The following DLGAP4 variants were observed in gnomAD, a reference collection of about 807,000 sequenced individuals.
DLGAP4 encodes DLG associated protein 4, also known as disks large-associated protein 4.
A neutral mutation model predicts 86.9 loss-of-function variants in DLGAP4; 18 were observed. The ratio of observed to expected loss-of-function variants is 0.21; its 90% CI spans 0.14 to 0.31. DLGAP4 has a LOEUF of 0.31. Among genes scored for constraint, DLGAP4 ranks in the 10% least tolerant of loss-of-function variants. The pLI is 1.00. For synonymous variants in DLGAP4, 548 were observed against 574.3 expected, an observed-to-expected ratio of 0.95 and a Z score of 0.65; for missense variants, 1,085 against 1,362.6, an observed-to-expected ratio of 0.80 and a Z score of 3.21.
At chr20:36,316,674 G>A (rs2065103260) in intron 1 of DLGAP4, among the ~76,000 whole-genome samples, 1 of 152,158 alleles carries the variant, frequency 6.6e-6, no homozygotes, top group African/African-American at 2.4e-5. Flanking sequence ...CTGAGAACAG[G>A]TGGGGGTGGA....
At chr20:36,518,261 G>A (rs536287287) in intron 10 of DLGAP4, among the ~76,000 whole-genome samples, 3 of 151,098 alleles carry the variant, frequency 2.0e-5, no homozygotes, top group East Asian at 1.9e-4. Flanking sequence ...TTTCATGGTT[G>A]TGTATAACTC....
At chr20:36,333,331 T>G (rs1321850739) in intron 1 of DLGAP4, among the ~76,000 whole-genome samples, 9 of 151,220 alleles carry the variant, frequency 6.0e-5, no homozygotes, top group Non-Finnish European at 1.3e-4. Context: ...TAATAGAGGG[T>G]TTTTTTTTCT....
At chr20:36,399,474 T>C (rs957240059) in intron 2 of DLGAP4, among the ~76,000 whole-genome samples, 2 of 152,212 alleles carry the variant, frequency 1.3e-5, no homozygotes, top group Non-Finnish European at 1.5e-5. Context: ...CCTGTGTCTG[T>C]CATTGTTGGA....
chr20:36,462,508 C>T, intron 7 of DLGAP4: 1 of 1,599,558 alleles, frequency 6.3e-7, no homozygotes, highest in Non-Finnish European at 8.5e-7. Context: ...TGCTCCTTGT[C>T]TCCCTCTCCC....
intron 8 of DLGAP4, 62 bp from the exon 9 acceptor site, chr20:36,499,523 TGTG>T (rs1273443217): frequency 3.0e-5 from 45 of 1,506,068 alleles, no homozygotes; most frequent in Non-Finnish European, 7.3e-6. Context: ...CAGCAGCAAG[TGTG>T]GTGTTTGTTT....
Position 36,329,156 on chromosome 20 carries a change from C to T in DLGAP4, c.-304+22644C>T, listed in dbSNP as rs915468474. Among the ~76,000 whole-genome samples the T allele has an allele frequency of 3.9e-5, 6 of 152,190 alleles. No individual in the cohort carries two copies. In the South Asian group the frequency reaches 1.2e-3, roughly 32 times the overall value. On this transcript the variant is annotated intron_variant, in intron 1 of 12. Transcript: ENST00000339266. ...AACGCCTGACCTCAGGTGACCCACC[C>T]ACCTCAGTCTCCCAAATTCCTGGGA...
intron 10 of DLGAP4, among the ~76,000 whole-genome samples, chr20:36,512,981 T>C (rs1347793567): frequency 8.1e-6 from 1 of 123,818 alleles, no homozygotes; most frequent in Non-Finnish European, 1.6e-5. Context: ...AGATGGGGTC[T>C]CACTCTTTCA....
At chr20:36,515,479 T>C (rs1036118317) in intron 10 of DLGAP4, among the ~76,000 whole-genome samples, 5 of 152,254 alleles carry the variant, frequency 3.3e-5, no homozygotes, top group Non-Finnish European at 7.3e-5. Flanking sequence ...AGTTTCCTGA[T>C]TTTTATTTTA....
chr20:36,381,038 A>G (rs878857319), intron 2 of DLGAP4, among the ~76,000 whole-genome samples: 1 of 152,266 alleles, frequency 6.6e-6, no homozygotes, highest in Non-Finnish European at 1.5e-5. Flanking sequence ...GATAGCTAGC[A>G]TGATCCACCT....
chr20:36,511,673 G>A (rs59232466), intron 10 of DLGAP4, among the ~76,000 whole-genome samples: 4 of 151,824 alleles, frequency 2.6e-5, no homozygotes, highest in Admixed American at 6.6e-5. Context: ...TCAGGAGCTC[G>A]AGACCAGCCT....
intron 1 of DLGAP4, among the ~76,000 whole-genome samples, chr20:36,312,416 C>A (rs1163108100): frequency 6.6e-6 from 1 of 152,140 alleles, no homozygotes; most frequent in Non-Finnish European, 1.5e-5. Flanking sequence ...AGCCGCCCCC[C>A]GGCTGCAGTC....
rs368243669 is a variant in DLGAP4 at position 36,446,780 on chromosome 20, G to A, written c.1491G>A (p.Thr497=). 19 of 1,612,580 alleles carry A rather than the reference G, an allele frequency of 1.2e-5. No homozygotes were observed. The highest frequency in any genetic ancestry group is 6.7e-5 in the East Asian group (3 of 44,866). The change falls in exon 7 of 13, where the codon ACG becomes ACA. Residue 497 remains threonine, a synonymous_variant. Coordinates refer to ENST00000339266, the MANE Select transcript of DLGAP4 (RefSeq NM_001365621.2). ...CSEAESTAAE[T]LDLPLPSYFR... ...AAGCGGAGTCCACAGCGGCAGAGAC[G>A]CTTGACTTGCCACTGCCCAGCTACT...
At chr20:36,316,438 T>C (rs1352389623) in intron 1 of DLGAP4, among the ~76,000 whole-genome samples, 2 of 152,094 alleles carry the variant, frequency 1.3e-5, no homozygotes, top group Non-Finnish European at 2.9e-5. Flanking sequence ...TGGAAATCCT[T>C]CCCCACAGTC....
rs1555889529 is a variant in DLGAP4 at position 36,306,824 on chromosome 20, G to T, written c.-304+312G>T. The stretch of plus-strand genomic sequence containing the variant: ...TGTCCGGGACCGGATCCCCATTCCG[G>T]CTCTTTTTCCCGCGGACTCCCCCGT... On this transcript the variant is annotated intron_variant, in intron 1 of 12. Coordinates refer to ENST00000339266, the MANE Select transcript of DLGAP4 (RefSeq NM_001365621.2). The surrounding 1 kb of genome is among the most constrained non-coding windows in gnomAD (Gnocchi z 4.9). Among the ~76,000 whole-genome samples the T allele has an allele frequency of 6.6e-6, 1 of 152,124 alleles. No homozygotes were observed. The highest frequency in any genetic ancestry group is 1.5e-5 in the Non-Finnish European group (1 of 67,996).
intron 7 of DLGAP4, chr20:36,461,372 C>A: frequency 2.4e-6 from 2 of 839,456 alleles, no homozygotes; most frequent in African/African-American, 1.8e-5. Context: ...CCCTGCCCGG[C>A]CCGGGAGTCC....
intron 1 of DLGAP4, among the ~76,000 whole-genome samples, chr20:36,361,771 G>A (rs1555894236): frequency 6.6e-6 from 1 of 150,732 alleles, no homozygotes; most frequent in Non-Finnish European, 1.5e-5. Context: ...TCAGGAGTTC[G>A]AAACCAGCCT....
chr20:36,347,764 C>T lies in DLGAP4; in HGVS notation c.-303-19281C>T, dbSNP rs6016031. Among the ~76,000 whole-genome samples, 239 of 149,848 alleles carry T rather than the reference C, an allele frequency of 1.6e-3. 2 individuals carry two copies. Among genetic ancestry groups the T allele is most frequent in the African/African-American group, 5.5e-3 (221 of 40,526 alleles). The stretch of plus-strand genomic sequence containing the variant: ...TCACTTGGGCCCAAAAGTTTGAGGC[C>T]ACAGTGAGCAATGATTGTGCCACTG... On this transcript the variant is annotated intron_variant, in intron 1 of 12. Transcript: ENST00000339266.
chr20:36,312,867 A>G lies in DLGAP4; in HGVS notation c.-304+6355A>G, dbSNP rs917652881. On this transcript the variant is annotated intron_variant, in intron 1 of 12. Coordinates refer to ENST00000339266, the MANE Select transcript of DLGAP4 (RefSeq NM_001365621.2). ...GAGGCTTTCTGTTGCAGCTGCCAGG[A>G]CATGGGTGCTGGGTATCTGGGGGTT... Among the ~76,000 whole-genome samples, 22 of 152,248 alleles carry G rather than the reference A, an allele frequency of 1.4e-4. No individual in the cohort carries two copies. In the East Asian group the frequency reaches 4.3e-3, roughly 29 times the overall value.
chr20:36,370,145 G>A (rs544568996), intron 2 of DLGAP4, among the ~76,000 whole-genome samples: 1 of 152,280 alleles, frequency 6.6e-6, no homozygotes, highest in South Asian at 2.1e-4. Context: ...TGCAGTCATA[G>A]GCAGCAGATG....
Sources: gnomAD v4.1 joint callset for allele counts (sites outside exome capture counted in the v4.1 genomes callset) on GRCh38, gnomAD v4.1.1 for gene constraint, Gnocchi (gnomAD v3.1) non-coding constraint, MANE v1.5 for transcripts, NCBI Gene and HGNC (gene_info 2026-07-23, HGNC 2026-07-21) for gene names.